Variants in MUC4 observed in about 807,000 individuals in gnomAD.
MUC4 encodes the protein mucin 4, cell surface associated.
In MUC4, 202 loss-of-function variants were observed where a neutral mutation model predicts 257.9. The ratio of observed to expected loss-of-function variants is 0.78; its 90% CI spans 0.70 to 0.88. MUC4 has a LOEUF of 0.88. Ranked by LOEUF, MUC4 falls within the 40% of genes least tolerant of loss-of-function variation. The pLI, the probability that MUC4 is intolerant of heterozygous loss-of-function variation, is 0.00. For synonymous variants in MUC4, 2,351 were observed against 2,757.1 expected, an observed-to-expected ratio of 0.85 and a Z score of 4.62; for missense variants, 5,976 against 6,513.7, an observed-to-expected ratio of 0.92 and a Z score of 2.84.
At position 195,790,353 on chromosome 3, in the gene MUC4, C is replaced by T. The variant is rs1733706161; in HGVS notation, c.1227G>A (p.Glu409=). The change falls in exon 2 of 25, where the codon GAG becomes GAA. Residue 409 remains glutamate, a synonymous_variant. Transcript: ENST00000463781. Reference sequence around the variant, plus strand: ...TGGTTCCACTTACAGATAGTGATGTCTCCTCTGTGTTTCCAAGAGTAGAGT... The same window carrying T: ...TGGTTCCACTTACAGATAGTGATGTTTCCTCTGTGTTTCCAAGAGTAGAGT... The part of the protein sequence containing the change: ...SRDSTLGNTE[E]TSLSVSGTIS... 6.2e-7 allele frequency: 1 copy of T among 1,613,876 alleles called. No individual in the cohort carries two copies. The highest frequency in any genetic ancestry group is 2.2e-5 in the East Asian group (1 of 44,892).
intron 20 of MUC4, among the ~76,000 whole-genome samples, 174 bp downstream of exon 20, chr3:195,752,877 G>A (rs842225): frequency 0.39 from 58,590 of 152,066 alleles, 13,162 homozygotes; most frequent in East Asian, 0.73. Context: ...TGCCGTGACA[G>A]CTTGCCTCGC....
Position 195,759,137 on chromosome 3 carries a change from G to A in MUC4, c.14973C>T (p.Asp4991=), listed in dbSNP as rs1473841897. ...AAATAGTCCTACCAAAGAGCTCCAA[G>A]TCGGTGCAGCTGTCTCTGAGCGTGA... The part of the protein sequence containing the change: ...ANFTLRDSCT[D]LELFENGTLL... Residue 4991 remains aspartate, a synonymous_variant, in exon 17 of 25, where the codon GAC becomes GAT. Transcript: ENST00000463781. 1.9e-6 allele frequency: 3 copies of A among 1,613,700 alleles called. No individual in the cohort carries two copies. The highest frequency in any genetic ancestry group is 4.5e-5 in the East Asian group (2 of 44,886).
intron 4 of MUC4, 151 bp from the exon 5 acceptor site, chr3:195,771,967 G>C (rs1382707611): frequency 1.2e-6 from 1 of 813,530 alleles, no homozygotes; most frequent in African/African-American, 1.7e-5. Flanking sequence ...GTCCTGTTTT[G>C]GGGAGAGCCC....
In MUC4 at chr3:195,797,266, T is replaced by TTAAATAAATAAA. The variant is rs58592665; in HGVS notation, c.83-5781_83-5770dup. On this transcript the variant is annotated intron_variant, in intron 1 of 24. Transcript: ENST00000463781. ...CCTGGTGACAGAGCAGGACTCTATCTTAAATAAATAAATAAATAAATAAAT... is the reference window on the plus strand; with the variant it reads ...CCTGGTGACAGAGCAGGACTCTATCTTAAATAAATAAATAAATAAATAAATAAATAAATAAAT... Among the ~76,000 whole-genome samples, 1,400 of 149,690 alleles carry TTAAATAAATAAA rather than the reference T, an allele frequency of 9.4e-3. 7 individuals are homozygous for TTAAATAAATAAA. The highest frequency in any genetic ancestry group is 0.014 in the African/African-American group (550 of 40,512).
Position 195,782,032 on chromosome 3 carries a change from G to C in MUC4, c.9548C>G (p.Thr3183Arg), listed in dbSNP as rs778176783. 7.2e-7 allele frequency: 1 copy of C among 1,395,256 alleles called. No homozygotes were observed. The highest frequency in any genetic ancestry group is 9.4e-7 in the Non-Finnish European group (1 of 1,065,156). The allele number at this position is 1,395,256 out of a possible 1,614,324, so 86.4% of individuals were successfully genotyped here. ...GGAAGGGCTAGTGACAGGAAGAGGCGTGGTGTCACCTGTGGATACTGAGGA... is the reference window on the plus strand; with the variant it reads ...GGAAGGGCTAGTGACAGGAAGAGGCCTGGTGTCACCTGTGGATACTGAGGA... ...SLSSVSTGDT[T>R]PLPVTSPSSA... Residue 3183 changes from threonine (T) to arginine (R), a missense_variant, in exon 2 of 25, where the codon ACG becomes AGG. Thr to Arg is a moderately conservative substitution (Grantham distance 71). Coordinates refer to ENST00000463781, the MANE Select transcript of MUC4 (RefSeq NM_018406.7).
At chr3:195,762,970 G>T (rs572187189) in intron 12 of MUC4, 25 bp from the exon 13 acceptor site, 29 of 1,511,934 alleles carry the variant, frequency 1.9e-5, no homozygotes, top group Non-Finnish European at 2.0e-5. Context: ...GAGGGGGCCT[G>T]AGCCCGACCC....
At position 195,771,903 on chromosome 3, in the gene MUC4, C is replaced by A; in HGVS notation, c.13078-87G>T. The A allele has an allele frequency of 6.9e-6, 10 of 1,448,118 alleles. No homozygotes were observed. The South Asian group carries it at 1.1e-4, about 16-fold the overall frequency. The allele number at this position is 1,448,118 out of a possible 1,614,324, so 89.7% of individuals were successfully genotyped here. On this transcript the variant is annotated intron_variant, in intron 4 of 24. Coordinates refer to ENST00000463781, the MANE Select transcript of MUC4 (RefSeq NM_018406.7). ...TTGGTCCAGCTCCTCAAAAGCGTGACCCCCAAGGGTAGAGCTTTAGAGATG... is the reference window on the plus strand; with the variant it reads ...TTGGTCCAGCTCCTCAAAAGCGTGAACCCCAAGGGTAGAGCTTTAGAGATG...
rs746881053 is a variant in MUC4 at position 195,781,743 on chromosome 3, G to C, written c.9837C>G (p.Thr3279=). The C allele has an allele frequency of 1.4e-5, 21 of 1,471,268 alleles. 1 individual carries two copies. The highest frequency in any genetic ancestry group is 1.9e-5 in the Non-Finnish European group (21 of 1,104,392). 91.1% of individuals were successfully genotyped at this position (1,471,268 alleles called of 1,614,324 possible). Residue 3279 remains threonine (T), a synonymous_variant, in exon 2 of 25, where the codon ACC becomes ACG. Transcript: ENST00000463781. ...AGGAAGTGTCGGTGACAGGAAGAGA[G>C]GTGGTGTCACCTGTGTATGCTGAGG... The part of the protein sequence containing the change: ...DTSSAYTGDT[T]SLPVTDTSSS...
At chr3:195,749,176 G>A (rs1577913181) in intron 23 of MUC4, 112 bp from the exon 24 acceptor site, 21 of 1,326,558 alleles carry the variant, frequency 1.6e-5, no homozygotes, top group African/African-American at 1.2e-4. Context: ...AATTGGAGAA[G>A]TGCACAGATA....
chr3:195,754,456 T>C, intron 18 of MUC4, 84 bp from the exon 19 acceptor site: 2 of 1,482,138 alleles, frequency 1.3e-6, no homozygotes, highest in Admixed American at 2.1e-5. Flanking sequence ...CCCTTTGGCC[T>C]GAGAACCCGT....
chr3:195,768,882 G>C, intron 7 of MUC4, 140 bp downstream of exon 7: 5 of 1,124,084 alleles, frequency 4.4e-6, no homozygotes, highest in Non-Finnish European at 6.1e-6. Context: ...GCCCCAGCGG[G>C]AGCTGGAGTC....
intron 7 of MUC4, among the ~76,000 whole-genome samples, chr3:195,767,503 A>AT (rs1720913548): frequency 4.1e-5 from 6 of 146,204 alleles, no homozygotes; most frequent in East Asian, 4.1e-4. Flanking sequence ...CACCATCACC[A>AT]CCACCATCAC....
chr3:195,747,400 G>A lies in MUC4; in HGVS notation c.16035-20C>T. ...ACACAGCTGGTGACCAAGAGAGACA[G>A]ACAGGCGGTCAGAGGCGGGAGCTCA... On this transcript the variant is annotated intron_variant, in intron 24 of 24. Coordinates refer to ENST00000463781, the MANE Select transcript of MUC4 (RefSeq NM_018406.7). 6.2e-7 allele frequency: 1 copy of A among 1,611,942 alleles called. No individual in the cohort carries two copies. Among genetic ancestry groups the A allele is most frequent in the South Asian group, 1.1e-5 (1 of 90,936 alleles).
In MUC4 at chr3:195,783,345, T is replaced by G; in HGVS notation, c.8235A>C (p.Val2745=). The G allele has an allele frequency of 7.6e-5, 79 of 1,043,358 alleles. No individual in the cohort carries two copies. The highest frequency in any genetic ancestry group is 3.7e-4 in the Middle Eastern group (1 of 2,718). 64.6% of individuals were successfully genotyped at this position (1,043,358 alleles called of 1,614,324 possible). ...TPLLVTETSS[V]STGDTTPLPV... The stretch of plus-strand genomic sequence containing the variant: ...GAAGAGGGGTGGTGTCACCTGTGGA[T>G]ACTGAGGAAGTCTCGGTGACAAGAA... The change falls in exon 2 of 25, where the codon GTA becomes GTC. Residue 2745 remains valine (V), a synonymous_variant. Coordinates refer to ENST00000463781, the MANE Select transcript of MUC4 (RefSeq NM_018406.7).
chr3:195,747,701 C>T (rs1715340698), intron 24 of MUC4, among the ~76,000 whole-genome samples: 1 of 152,262 alleles, frequency 6.6e-6, no homozygotes, highest in Non-Finnish European at 1.5e-5. Flanking sequence ...CCCATCTCTA[C>T]TAAAAATACA....
intron 19 of MUC4, chr3:195,753,466 C>A: frequency 1.9e-6 from 1 of 535,348 alleles, no homozygotes; most frequent in Non-Finnish European, 3.2e-6. Context: ...TTTCTCAGAC[C>A]CTCTGCTTCA....
At position 195,750,998 on chromosome 3, in the gene MUC4, G is replaced by A. The variant is rs774153313; in HGVS notation, c.15762C>T (p.Ala5254=). ...VIDFLNNQLL[A]AVVEAFLYHV... is the part of the protein sequence containing the mutation. ...GGTATAAGAACGCCTCCACCACCGC[G>A]GCCAGCAGCTGGTTGTTCAGGAAGT... Residue 5254 remains alanine (A), a synonymous_variant, in exon 23 of 25, where the codon GCC becomes GCT. Coordinates refer to ENST00000463781, the MANE Select transcript of MUC4 (RefSeq NM_018406.7). 19 of 1,614,072 alleles carry A rather than the reference G, an allele frequency of 1.2e-5. No homozygotes were observed. The South Asian group carries it at 1.3e-4, about 11-fold the overall frequency.
intron 7 of MUC4, among the ~76,000 whole-genome samples, chr3:195,767,520 C>T (rs1438597268): frequency 7.2e-6 from 1 of 137,978 alleles, no homozygotes. Context: ...TCACCATCAC[C>T]ACCACCATCG....
chr3:195,753,797 A>G (rs1716959861), intron 19 of MUC4: 1 of 202,038 alleles, frequency 4.9e-6, no homozygotes, highest in East Asian at 1.2e-4. Flanking sequence ...GACTCGTGAG[A>G]TGCAGAGATC....
Sources: allele counts gnomAD v4.1 joint callset (sites outside exome capture counted in the v4.1 genomes callset), GRCh38; gene constraint gnomAD v4.1.1; transcripts MANE v1.5; gene names NCBI Gene and HGNC (gene_info 2026-07-23, HGNC 2026-07-21).